Variants in LHFPL2 observed in about 807,000 individuals in gnomAD.
The protein encoded by LHFPL2 is LHFPL tetraspan subfamily member 2 protein.
In LHFPL2, 7 loss-of-function variants were observed where a neutral mutation model predicts 17.5. That is an observed-to-expected ratio of 0.40 (90% CI 0.23 to 0.75). The LOEUF (loss-of-function observed/expected upper bound fraction) is 0.75, where lower values mean the gene tolerates loss of function less well. LHFPL2 is among the 30% of genes least tolerant of loss of function. LHFPL2 has a pLI of 0.37. For missense variants in LHFPL2, 241 were observed against 294.8 expected (o/e 0.82, Z 1.34); for synonymous variants, 134 against 116.2 (o/e 1.15, Z -0.99).
chr5:78,597,996 A>G (rs759745215), intron 2 of LHFPL2, among the ~76,000 whole-genome samples: 1 of 152,232 alleles, frequency 6.6e-6, no homozygotes, highest in Non-Finnish European at 1.5e-5. Flanking sequence ...CAAACTAAAT[A>G]ACAATGGAAT....
intron 2 of LHFPL2, among the ~76,000 whole-genome samples, chr5:78,622,924 A>T (rs1157677427): frequency 6.6e-6 from 1 of 152,166 alleles, no homozygotes; most frequent in Admixed American, 6.5e-5. Flanking sequence ...CAGGCCTTGT[A>T]AAGAAGGGGG....
chr5:78,644,546 A>C, intron 1 of LHFPL2: 1 of 535,932 alleles, frequency 1.9e-6, no homozygotes, highest in Non-Finnish European at 3.4e-6. Context: ...AACAAGAAAA[A>C]GGCCAGAGGA....
chr5:78,605,101 G>C (rs143759184), intron 2 of LHFPL2, among the ~76,000 whole-genome samples: 1,997 of 152,282 alleles, frequency 0.013, 27 homozygotes, highest in Middle Eastern at 0.071. Context: ...ATAAGAAAAG[G>C]CTGTCCAGCC....
chr5:78,561,065 T>G (rs1290017366), intron 3 of LHFPL2, among the ~76,000 whole-genome samples: 1 of 152,262 alleles, frequency 6.6e-6, no homozygotes, highest in Non-Finnish European at 1.5e-5. Flanking sequence ...TGTACATTCT[T>G]CTTTCTAATA....
chr5:78,555,807 A>C (rs115147622), intron 3 of LHFPL2, among the ~76,000 whole-genome samples: 105 of 152,274 alleles, frequency 6.9e-4, no homozygotes, highest in African/African-American at 2.4e-3. Context: ...AGAAAAGGGG[A>C]CCAAAGATGA....
At chr5:78,561,727 C>G (rs1468251928) in intron 3 of LHFPL2, among the ~76,000 whole-genome samples, 1 of 152,114 alleles carries the variant, frequency 6.6e-6, no homozygotes, top group Admixed American at 6.6e-5. Flanking sequence ...GTTCTGTATG[C>G]CCCAGTCTTC....
chr5:78,581,716 A>G (rs1278964695), intron 2 of LHFPL2, among the ~76,000 whole-genome samples: 4 of 152,206 alleles, frequency 2.6e-5, no homozygotes, highest in African/African-American at 7.2e-5. Context: ...GGATTTTTGC[A>G]TCAATGTTCA....
At chr5:78,558,057 G>A (rs183242162) in intron 3 of LHFPL2, among the ~76,000 whole-genome samples, 5 of 152,334 alleles carry the variant, frequency 3.3e-5, no homozygotes, top group East Asian at 3.9e-4. Context: ...TCATGATGAC[G>A]TTTCAAAGAG....
intron 3 of LHFPL2, among the ~76,000 whole-genome samples, chr5:78,528,151 C>T (rs763433038): frequency 4.6e-5 from 7 of 152,176 alleles, no homozygotes; most frequent in East Asian, 1.9e-4. Context: ...AGAACTGTAC[C>T]TGCTATGGGC....
chr5:78,567,993 A>T (rs1033732917), intron 2 of LHFPL2, among the ~76,000 whole-genome samples: 17 of 130,314 alleles, frequency 1.3e-4, no homozygotes, highest in African/African-American at 4.2e-4. Context: ...AACTCAGTGT[A>T]AAGAGTGTGT....
At chr5:78,538,981 T>C (rs1189180245) in intron 3 of LHFPL2, among the ~76,000 whole-genome samples, 2 of 152,228 alleles carry the variant, frequency 1.3e-5, no homozygotes, top group Non-Finnish European at 2.9e-5. Flanking sequence ...GGCGACATAA[T>C]GACCCTAGGC....
intron 4 of LHFPL2, among the ~76,000 whole-genome samples, chr5:78,489,404 T>C (rs914576234): frequency 9.9e-5 from 15 of 152,164 alleles, no homozygotes; most frequent in African/African-American, 3.4e-4. Flanking sequence ...GAAAAGCAAA[T>C]TGGTACTTTT....
intron 2 of LHFPL2, among the ~76,000 whole-genome samples, chr5:78,611,963 T>C (rs1744437880): frequency 1.3e-5 from 2 of 152,328 alleles, no homozygotes; most frequent in African/African-American, 4.8e-5. Context: ...AAAGCCACAG[T>C]GCATTTTAAG....
In LHFPL2 at chr5:78,618,105, G is replaced by A. The variant is rs180905451; in HGVS notation, c.-245+14159C>T. ...TGTAATTCCAGCTACTTGGGAGGCT[G>A]AAGGAGAATCAATTGAACCCGGGAG... is the stretch of plus-strand genomic sequence containing the variant. On this transcript the variant is annotated intron_variant, in intron 2 of 4. Coordinates refer to ENST00000380345, the MANE Select transcript of LHFPL2 (RefSeq NM_005779.3). Among the ~76,000 whole-genome samples, 515 of 152,176 alleles carry A rather than the reference G, an allele frequency of 3.4e-3. 5 individuals carry two copies. The highest frequency in any genetic ancestry group is 0.012 in the African/African-American group (500 of 41,486).
At chr5:78,634,609 G>T (rs1394639107) in intron 1 of LHFPL2, among the ~76,000 whole-genome samples, 1 of 152,204 alleles carries the variant, frequency 6.6e-6, no homozygotes, top group Non-Finnish European at 1.5e-5. Flanking sequence ...AGCTTTCCAA[G>T]GGGTGTAATA....
rs34696428 is a variant in LHFPL2, at chr5:78,512,767, C to CTTT, written c.-185-2372_-185-2370dup. On this transcript the variant is annotated intron_variant, in intron 3 of 4. Transcript: ENST00000380345. ...CTCTGTTAAATGTAATTTTTCTTTT[C>CTTT]TTTTTTTTTTTTTTTTAGATGGGGT... 2.6e-3 allele frequency among the ~76,000 whole-genome samples: 356 copies of CTTT among 137,826 alleles called. 5 individuals are homozygous for CTTT. In the East Asian group the frequency reaches 0.059, roughly 23 times the overall value. 90.4% of individuals were successfully genotyped at this position (137,826 alleles called of 152,430 possible).
intron 4 of LHFPL2, among the ~76,000 whole-genome samples, chr5:78,503,311 T>G (rs1462740730): frequency 2.0e-5 from 3 of 152,266 alleles, no homozygotes; most frequent in African/African-American, 7.2e-5. Context: ...GGCAAACCAC[T>G]TTTGCATTTT....
rs1431282024 is a variant in LHFPL2, at chr5:78,636,795, T to C, written c.-349-4427A>G. On this transcript the variant is annotated intron_variant, in intron 1 of 4. Coordinates refer to ENST00000380345, the MANE Select transcript of LHFPL2 (RefSeq NM_005779.3). ...GTAAAACCTTCCTAAAAATAAAGGC[T>C]TCACAGAACTGACTTCTTACACCAT... is the stretch of plus-strand genomic sequence containing the variant. 2.0e-5 allele frequency among the ~76,000 whole-genome samples: 3 copies of C among 152,176 alleles called. No homozygotes were observed. The East Asian group carries it at 5.8e-4, about 29-fold the overall frequency.
At chr5:78,526,271 C>G (rs1285529989) in intron 3 of LHFPL2, among the ~76,000 whole-genome samples, 1 of 152,184 alleles carries the variant, frequency 6.6e-6, no homozygotes, top group Non-Finnish European at 1.5e-5. Context: ...AATCAGCACT[C>G]AAATCTCCTT....
Sources: gnomAD v4.1 joint callset for allele counts (sites outside exome capture counted in the v4.1 genomes callset) on GRCh38, gnomAD v4.1.1 for gene constraint, MANE v1.5 for transcripts, NCBI Gene and HGNC (gene_info 2026-07-23, HGNC 2026-07-21) for gene names.